CTNNA3: variants seen among roughly 807,000 people sequenced by gnomAD.
CTNNA3 encodes catenin alpha-3.
A neutral mutation model predicts 95.7 loss-of-function variants in CTNNA3; 76 were observed. That is an observed-to-expected ratio of 0.79 (90% confidence interval 0.66 to 0.96). The LOEUF (loss-of-function observed/expected upper bound fraction) is 0.96, where lower values mean the gene tolerates loss of function less well. Among genes scored for constraint, CTNNA3 ranks in the 40% least tolerant of loss-of-function variants. CTNNA3 has a pLI of 0.00. For missense variants in CTNNA3, 1,191 were observed against 1,089.8 expected, an observed-to-expected ratio of 1.09 and a Z score of -1.31; for synonymous variants, 431 against 374.4, an observed-to-expected ratio of 1.15 and a Z score of -1.74.
At position 67,579,906 on chromosome 10, in the gene CTNNA3, A is replaced by AT. The variant is rs1362212564; in HGVS notation, c.292+26950dup. Among the ~76,000 whole-genome samples the AT allele has an allele frequency of 5.3e-5, 8 of 151,718 alleles. No homozygotes were observed. The East Asian group carries it at 1.2e-3, about 22-fold the overall frequency. ...GCCCATTTTTTGATGGGGTTGTTTG[A>AT]TTTTTTCTTGTAAATTTGTTTAAGT... On this transcript the variant is annotated intron_variant, in intron 3 of 17. Coordinates refer to ENST00000433211, the MANE Select transcript of CTNNA3 (RefSeq NM_013266.4).
intron 11 of CTNNA3, among the ~76,000 whole-genome samples, chr10:66,471,173 T>C (rs1435294650): frequency 6.6e-6 from 1 of 151,948 alleles, no homozygotes; most frequent in Non-Finnish European, 1.5e-5. Flanking sequence ...TTTTTTGTAA[T>C]TATAAAGTCA....
At chr10:67,499,297 T>C (rs1285046553) in intron 5 of CTNNA3, among the ~76,000 whole-genome samples, 2 of 152,156 alleles carry the variant, frequency 1.3e-5, no homozygotes, top group Non-Finnish European at 2.9e-5. Context: ...TTGATCATGG[T>C]GGATAAGCTT....
intron 12 of CTNNA3, among the ~76,000 whole-genome samples, chr10:66,367,665 T>A (rs2092719541): frequency 6.7e-6 from 1 of 149,510 alleles, no homozygotes; most frequent in Admixed American, 6.7e-5. Flanking sequence ...AAGTTAAGCA[T>A]AAGCTGATAG....
intron 1 of CTNNA3, among the ~76,000 whole-genome samples, chr10:67,673,463 T>A (rs1840479387): frequency 6.6e-6 from 1 of 151,970 alleles, no homozygotes; most frequent in Admixed American, 6.5e-5. Context: ...ATGCTTCCAG[T>A]GTTTGCCCAT....
chr10:67,437,120 T>C (rs1045800870), intron 5 of CTNNA3, among the ~76,000 whole-genome samples: 1 of 152,070 alleles, frequency 6.6e-6, no homozygotes, highest in African/African-American at 2.4e-5. Context: ...AGTAAATACA[T>C]AGATGGAATA....
At chr10:67,014,510 G>C (rs1852530728) in intron 7 of CTNNA3, among the ~76,000 whole-genome samples, 1 of 152,054 alleles carries the variant, frequency 6.6e-6, no homozygotes, top group Non-Finnish European at 1.5e-5. Flanking sequence ...TTAGTTTTTA[G>C]ATTAAAATAT....
chr10:66,530,752 T>A (rs1841437410), intron 10 of CTNNA3, among the ~76,000 whole-genome samples: 1 of 152,100 alleles, frequency 6.6e-6, no homozygotes, highest in Admixed American at 6.6e-5. Flanking sequence ...GAAGGGATGA[T>A]CCCTGCATGA....
At chr10:66,641,371 T>A (rs537006190) in intron 9 of CTNNA3, among the ~76,000 whole-genome samples, 12 of 152,190 alleles carry the variant, frequency 7.9e-5, no homozygotes, top group Admixed American at 6.5e-4. Flanking sequence ...ATATTATGTC[T>A]CAACCCACAT....
At chr10:66,806,261 T>TTGTGTGTGTGTGTGTG (rs59596203) in intron 7 of CTNNA3, among the ~76,000 whole-genome samples, 10 of 143,958 alleles carry the variant, frequency 6.9e-5, no homozygotes, top group African/African-American at 2.1e-4. Flanking sequence ...ATATTGGTGT[T>TTGTGTGTGTGTGTGTG]TGTGTGTGTG....
intron 7 of CTNNA3, among the ~76,000 whole-genome samples, chr10:66,911,124 C>A (rs538785779): frequency 2.0e-5 from 3 of 152,304 alleles, no homozygotes; most frequent in Admixed American, 1.3e-4. Flanking sequence ...TTAGTAATTT[C>A]TTTCCTTTTC....
intron 5 of CTNNA3, among the ~76,000 whole-genome samples, chr10:67,350,121 T>A (rs1012754914): frequency 3.9e-5 from 6 of 152,068 alleles, no homozygotes; most frequent in Admixed American, 2.6e-4. Context: ...CATGACCTAT[T>A]TGAAAATGAC....
At chr10:65,940,884 G>A (rs1310454390) in intron 17 of CTNNA3, among the ~76,000 whole-genome samples, 1 of 152,166 alleles carries the variant, frequency 6.6e-6, no homozygotes, top group Non-Finnish European at 1.5e-5. Context: ...TTCATGTGAA[G>A]TATTTAAGTC....
At chr10:67,466,384 A>C (rs1847596836) in intron 5 of CTNNA3, among the ~76,000 whole-genome samples, 2 of 152,192 alleles carry the variant, frequency 1.3e-5, no homozygotes, top group Admixed American at 1.3e-4. Flanking sequence ...CAAATAATCA[A>C]ATACAACAAT....
intron 9 of CTNNA3, among the ~76,000 whole-genome samples, chr10:66,686,504 A>C (rs1036217814): frequency 6.6e-6 from 1 of 152,152 alleles, no homozygotes; most frequent in Admixed American, 6.5e-5. Context: ...TTCAGCAATA[A>C]ATAAATAAGA....
intron 5 of CTNNA3, among the ~76,000 whole-genome samples, chr10:67,325,061 A>C (rs1244539698): frequency 2.0e-4 from 30 of 151,784 alleles, no homozygotes; most frequent in African/African-American, 7.0e-4. Context: ...TGTTATTTGT[A>C]TTTCTGTGGG....
At chr10:65,968,988 T>C (rs2078038938) in intron 16 of CTNNA3, among the ~76,000 whole-genome samples, 1 of 152,162 alleles carries the variant, frequency 6.6e-6, no homozygotes, top group Non-Finnish European at 1.5e-5. Context: ...TCAGAGCATT[T>C]TGCACTACAA....
At chr10:67,088,528 G>C (rs1012002899) in intron 7 of CTNNA3, among the ~76,000 whole-genome samples, 2 of 151,862 alleles carry the variant, frequency 1.3e-5, no homozygotes, top group Non-Finnish European at 2.9e-5. Context: ...CTGTTACTTA[G>C]ATGGACTAGG....
intron 7 of CTNNA3, among the ~76,000 whole-genome samples, chr10:66,866,156 C>A (rs1589353923): frequency 6.6e-6 from 1 of 152,178 alleles, no homozygotes. Context: ...AGTTCAGTTA[C>A]TTCACATAGT....
At chr10:65,994,842 C>T (rs1204053413) in intron 15 of CTNNA3, among the ~76,000 whole-genome samples, 1 of 151,990 alleles carries the variant, frequency 6.6e-6, no homozygotes, top group Non-Finnish European at 1.5e-5. Flanking sequence ...TTTGTACAAT[C>T]TTTTTTTATT....
Sources: gnomAD v4.1 joint callset for allele counts (sites outside exome capture counted in the v4.1 genomes callset) on GRCh38, gnomAD v4.1.1 for gene constraint, MANE v1.5 for transcripts, NCBI Gene and HGNC (gene_info 2026-07-23, HGNC 2026-07-21) for gene names.